Variants in NEGR1 observed in about 807,000 individuals in gnomAD.
NEGR1 encodes IgLON family member 4.
In NEGR1, 10 loss-of-function variants were observed where a neutral mutation model predicts 40.9. The ratio of observed to expected loss-of-function variants is 0.24; its 90% CI spans 0.15 to 0.42. NEGR1 has a LOEUF of 0.42. Among genes scored for constraint, NEGR1 ranks in the 10% least tolerant of loss-of-function variants. The pLI is 1.00. For missense variants in NEGR1, 352 were observed against 438.9 expected, an observed-to-expected ratio of 0.80 and a Z score of 1.77; for synonymous variants, 185 against 166.8, an observed-to-expected ratio of 1.11 and a Z score of -0.84.
intron 6 of NEGR1, among the ~76,000 whole-genome samples, chr1:71,467,050 C>T (rs140534578): frequency 6.6e-6 from 1 of 152,142 alleles, no homozygotes; most frequent in East Asian, 1.9e-4. Flanking sequence ...AGCCTCTGTC[C>T]ATTGTCAACA....
At chr1:71,624,138 T>A (rs577423178) in intron 4 of NEGR1, among the ~76,000 whole-genome samples, 2 of 151,936 alleles carry the variant, frequency 1.3e-5, no homozygotes, top group Non-Finnish European at 2.9e-5. Flanking sequence ...AAAGCTTATC[T>A]GTGAATTTGA....
chr1:71,537,864 G>T (rs1292634565), intron 6 of NEGR1, among the ~76,000 whole-genome samples: 1 of 151,656 alleles, frequency 6.6e-6, no homozygotes, highest in Non-Finnish European at 1.5e-5. Flanking sequence ...TTCACGAGGT[G>T]CCAAGTAGGC....
chr1:72,092,090 A>G (rs1648521127), intron 1 of NEGR1, among the ~76,000 whole-genome samples: 1 of 152,156 alleles, frequency 6.6e-6, no homozygotes, highest in African/African-American at 2.4e-5. Context: ...TAAAAGGTAG[A>G]CATTGAATCA....
At chr1:71,534,159 C>A (rs1647441465) in intron 6 of NEGR1, among the ~76,000 whole-genome samples, 1 of 151,614 alleles carries the variant, frequency 6.6e-6, no homozygotes, top group South Asian at 2.1e-4. Flanking sequence ...AACAAAACTA[C>A]AACCCCTCCC....
At chr1:72,026,723 G>A (rs1335966360) in intron 1 of NEGR1, among the ~76,000 whole-genome samples, 2 of 151,906 alleles carry the variant, frequency 1.3e-5, no homozygotes, top group Non-Finnish European at 2.9e-5. Context: ...TACTTTCATT[G>A]ACTTGGTTTA....
chr1:71,548,704 T>A (rs1015949388), intron 6 of NEGR1, among the ~76,000 whole-genome samples: 7 of 151,634 alleles, frequency 4.6e-5, no homozygotes, highest in Admixed American at 4.6e-4. Context: ...CCCAATTTTA[T>A]TGTCACTTCA....
In NEGR1 at chr1:71,633,090, T is replaced by C. The variant is rs185190085; in HGVS notation, c.668-21944A>G. On this transcript the variant is annotated intron_variant, in intron 4 of 6. Coordinates refer to ENST00000357731, the MANE Select transcript of NEGR1 (RefSeq NM_173808.3). ...ATAAAGTTTTTACTTTCAAATTGAG[T>C]TCAGGCCAAATTATATTTTGTTTGT... 8.7e-4 allele frequency among the ~76,000 whole-genome samples: 132 copies of C among 152,196 alleles called. 1 individual carries two copies. The highest frequency in any genetic ancestry group is 3.0e-3 in the African/African-American group (124 of 41,568).
chr1:71,789,831 C>A (rs1162001880), intron 2 of NEGR1, among the ~76,000 whole-genome samples: 6 of 152,052 alleles, frequency 3.9e-5, no homozygotes, highest in Non-Finnish European at 7.4e-5. Context: ...CCAAACCAAC[C>A]CCTTCTTCTT....
intron 1 of NEGR1, among the ~76,000 whole-genome samples, chr1:72,172,731 C>T (rs893562398): frequency 6.6e-6 from 1 of 152,098 alleles, no homozygotes; most frequent in Non-Finnish European, 1.5e-5. Flanking sequence ...TCAAGGTGTT[C>T]GCAGATTTGC....
At chr1:72,252,916 G>A (rs1480504763) in intron 1 of NEGR1, among the ~76,000 whole-genome samples, 1 of 152,130 alleles carries the variant, frequency 6.6e-6, no homozygotes, top group Non-Finnish European at 1.5e-5. Flanking sequence ...ACATTGCGAA[G>A]GAAAAATGAA....
At chr1:72,238,620 C>T (rs780378902) in intron 1 of NEGR1, among the ~76,000 whole-genome samples, 1 of 151,846 alleles carries the variant, frequency 6.6e-6, no homozygotes, top group Non-Finnish European at 1.5e-5. Flanking sequence ...CAACCTGGCA[C>T]TGGAAATCTA....
intron 6 of NEGR1, among the ~76,000 whole-genome samples, chr1:71,554,291 ATAT>A (rs1648180595): frequency 6.6e-6 from 1 of 151,564 alleles, no homozygotes; most frequent in Non-Finnish European, 1.5e-5. Context: ...ATCATAGATA[ATAT>A]TATTTGCTAA....
In NEGR1 at chr1:71,874,276, A is replaced by G. The variant is rs1660363224; in HGVS notation, c.409+60803T>C. Among the ~76,000 whole-genome samples, 3 of 152,196 alleles carry G rather than the reference A, an allele frequency of 2.0e-5. No individual in the cohort carries two copies. In the South Asian group the frequency reaches 6.2e-4, roughly 31 times the overall value. On this transcript the variant is annotated intron_variant, in intron 2 of 6. Coordinates refer to ENST00000357731, the MANE Select transcript of NEGR1 (RefSeq NM_173808.3). ...TTATCTAAGGATCTCAAAGCACTCT[A>G]TGAAAGTGCATTATCATTAATGAAG... is the stretch of plus-strand genomic sequence containing the variant.
At chr1:71,685,193 C>T (rs1052454197) in intron 4 of NEGR1, among the ~76,000 whole-genome samples, 6 of 152,044 alleles carry the variant, frequency 3.9e-5, no homozygotes, top group African/African-American at 1.4e-4. Context: ...ATTTCTCTTC[C>T]CATTTGGCTA....
At position 71,554,791 on chromosome 1, in the gene NEGR1, C is replaced by G. The variant is rs1388138324; in HGVS notation, c.940+38026G>C. Among the ~76,000 whole-genome samples, 4 of 151,360 alleles carry G rather than the reference C, an allele frequency of 2.6e-5. No homozygotes were observed. In the Admixed American group the frequency reaches 2.6e-4, roughly 10 times the overall value. On this transcript the variant is annotated intron_variant, in intron 6 of 6. Coordinates refer to ENST00000357731, the MANE Select transcript of NEGR1 (RefSeq NM_173808.3). Reference sequence around the variant, plus strand: ...CTTGAATTTCTTCTCTAGATTTCACCAATTAGGTTGCTGGAATCCGAGGTG... The same window carrying G: ...CTTGAATTTCTTCTCTAGATTTCACGAATTAGGTTGCTGGAATCCGAGGTG...
intron 1 of NEGR1, among the ~76,000 whole-genome samples, chr1:72,124,225 C>A (rs1570002597): frequency 6.6e-6 from 1 of 151,962 alleles, no homozygotes; most frequent in African/African-American, 2.4e-5. Context: ...ATCTCCATGA[C>A]CCTCTCCAGT....
At chr1:71,853,911 A>C (rs924087273) in intron 2 of NEGR1, among the ~76,000 whole-genome samples, 1 of 152,160 alleles carries the variant, frequency 6.6e-6, no homozygotes, top group African/African-American at 2.4e-5. Flanking sequence ...AAATGGATCA[A>C]TTATGAAATG....
At chr1:71,669,527 C>T (rs563745247) in intron 4 of NEGR1, among the ~76,000 whole-genome samples, 1 of 152,228 alleles carries the variant, frequency 6.6e-6, no homozygotes, top group African/African-American at 2.4e-5. Flanking sequence ...AAGCTTGCAG[C>T]CTTGAATTAC....
chr1:71,784,343 G>A (rs957648013), intron 2 of NEGR1, among the ~76,000 whole-genome samples: 1 of 151,780 alleles, frequency 6.6e-6, no homozygotes, highest in African/African-American at 2.4e-5. Context: ...TAAGTAGAAA[G>A]GCTTTTTTTT....
Sources: gnomAD v4.1 joint callset for allele counts (sites outside exome capture counted in the v4.1 genomes callset) on GRCh38, gnomAD v4.1.1 for gene constraint, MANE v1.5 for transcripts, NCBI Gene and HGNC (gene_info 2026-07-23, HGNC 2026-07-21) for gene names.